Variants in KANSL1L observed in about 807,000 individuals in gnomAD.
KANSL1L encodes KAT8 regulatory NSL complex subunit 1 like, also known as KAT8 regulatory NSL complex subunit 1-like protein.
KANSL1L carries 25 observed loss-of-function variants against 108.6 expected under a neutral mutation model. That is an observed-to-expected ratio of 0.23 (90% CI 0.17 to 0.32). The LOEUF (loss-of-function observed/expected upper bound fraction) is 0.32. Ranked by LOEUF, KANSL1L falls within the 10% of genes least tolerant of loss-of-function variation. The probability of loss-of-function intolerance (pLI) is 1.00; values close to 1 mark genes in which losing one functional copy is unlikely to be tolerated. For synonymous variants in KANSL1L, 405 were observed against 395.1 expected, an observed-to-expected ratio of 1.03 and a Z score of -0.30; for missense variants, 1,137 against 1,125.7, an observed-to-expected ratio of 1.01 and a Z score of -0.14.
chr2:210,033,047 A>G (rs1312113649), intron 8 of KANSL1L: 1 of 152,232 alleles, frequency 6.6e-6, no homozygotes, highest in Non-Finnish European at 1.5e-5. Context: ...CTGGAAGAGG[A>G]ATTCCATAAC....
intron 6 of KANSL1L, among the ~76,000 whole-genome samples, chr2:210,047,540 T>C (rs1229653966): frequency 6.6e-6 from 1 of 152,242 alleles, no homozygotes; most frequent in Non-Finnish European, 1.5e-5. Context: ...TGAGGTTTTA[T>C]CAGAATGGCT....
At chr2:210,109,902 C>G (rs1485560926) in intron 3 of KANSL1L, among the ~76,000 whole-genome samples, 1 of 152,084 alleles carries the variant, frequency 6.6e-6, no homozygotes, top group Non-Finnish European at 1.5e-5. Flanking sequence ...TCTTTAGGAA[C>G]TGCAAAGCTC....
chr2:210,109,943 C>T (rs879369081), intron 3 of KANSL1L, among the ~76,000 whole-genome samples: 1 of 152,068 alleles, frequency 6.6e-6, no homozygotes, highest in Non-Finnish European at 1.5e-5. Context: ...AGAAGGTTGG[C>T]GTCCTAAGGA....
chr2:210,159,851 A>C (rs7571799), intron 1 of KANSL1L, among the ~76,000 whole-genome samples: 1 of 152,136 alleles, frequency 6.6e-6, no homozygotes, highest in Admixed American at 6.5e-5. Flanking sequence ...CTGACTAAAA[A>C]GGTGAAACCC....
intron 10 of KANSL1L, 57 bp from the exon 11 acceptor site, chr2:210,029,026 C>T (rs1251562312): frequency 1.4e-6 from 2 of 1,393,816 alleles, no homozygotes; most frequent in Admixed American, 4.5e-5. Flanking sequence ...GTAATGATAC[C>T]CTCCTTTCAT....
intron 2 of KANSL1L, among the ~76,000 whole-genome samples, chr2:210,150,203 T>TG (rs2095292535): frequency 6.6e-6 from 1 of 152,110 alleles, no homozygotes; most frequent in African/African-American, 2.4e-5. Flanking sequence ...TAGCTGATTA[T>TG]GGGAAAAAGA....
intron 1 of KANSL1L, among the ~76,000 whole-genome samples, chr2:210,167,130 TAC>T (rs1345372891): frequency 5.9e-5 from 9 of 151,988 alleles, no homozygotes; most frequent in African/African-American, 2.2e-4. Context: ...CTCACACTGG[TAC>T]AGTTTTATTC....
Position 210,057,071 on chromosome 2 carries a change from G to T in KANSL1L, c.1756-12967C>A, listed in dbSNP as rs147832929. Among the ~76,000 whole-genome samples, 158 of 152,214 alleles carry T rather than the reference G, an allele frequency of 1.0e-3. 2 individuals carry two copies. In the East Asian group the frequency reaches 0.025, roughly 24 times the overall value. On this transcript the variant is annotated intron_variant, in intron 6 of 14. Transcript: ENST00000281772. ...TGAATTTGGGCTGACCAAGTCACTT[G>T]CTTTGTCCTATAGAATGCAGTGGAA...
chr2:210,088,104 T>C (rs1275513017), intron 5 of KANSL1L: 2 of 152,202 alleles, frequency 1.3e-5, no homozygotes, highest in African/African-American at 2.4e-5. Context: ...TACTAGTTAA[T>C]TATTCAGTGA....
intron 2 of KANSL1L, among the ~76,000 whole-genome samples, chr2:210,135,798 T>C (rs1299614697): frequency 6.6e-6 from 1 of 152,172 alleles, no homozygotes. Flanking sequence ...TTAAATAACA[T>C]ATTCCTCCCT....
intron 6 of KANSL1L, among the ~76,000 whole-genome samples, chr2:210,066,029 T>G (rs2094464643): frequency 6.6e-6 from 1 of 152,218 alleles, no homozygotes; most frequent in South Asian, 2.1e-4. Flanking sequence ...TGGACTGTAG[T>G]AGTTTTCAAT....
chr2:210,118,472 CAA>C (rs1273220048), intron 3 of KANSL1L, among the ~76,000 whole-genome samples: 71 of 42,242 alleles, frequency 1.7e-3, no homozygotes, highest in Non-Finnish European at 3.5e-3. Flanking sequence ...TACTCCAACT[CAA>C]AAAAAAAAAA....
At chr2:210,047,576 T>G (rs2094238817) in intron 6 of KANSL1L, among the ~76,000 whole-genome samples, 1 of 152,222 alleles carries the variant, frequency 6.6e-6, no homozygotes, top group Non-Finnish European at 1.5e-5. Context: ...CTACTAACAC[T>G]CTGTTCAGGA....
At position 210,040,471 on chromosome 2, in the gene KANSL1L, T is replaced by G. The variant is rs1291451113; in HGVS notation, c.1978A>C (p.Asn660His). ...TLLKKTEIKG[N>H]LAENKFVDEY... ...TCTACAAATTTATTTTCAGCAAGAT[T>G]GCCTTTTATTTCAGTCTTTTTTAAC... The change falls in exon 8 of 15, where the codon AAT (asparagine) becomes CAT (histidine). Residue 660 changes from asparagine (N) to histidine (H), a missense_variant. Asn to His is a moderately conservative substitution (Grantham distance 68, BLOSUM62 1). Around this residue, in one of 3 missense-constraint regions of KANSL1L, gnomAD observed 575 missense variants for 567.1 expected, o/e 1.01. Coordinates refer to ENST00000281772, the MANE Select transcript of KANSL1L (RefSeq NM_152519.4). The G allele has an allele frequency of 6.4e-7, 1 of 1,568,978 alleles. No individual in the cohort carries two copies. Among genetic ancestry groups the G allele is most frequent in the Admixed American group, 1.8e-5 (1 of 56,512 alleles).
chr2:210,156,075 G>A (rs1210846278), intron 1 of KANSL1L, among the ~76,000 whole-genome samples: 1 of 152,108 alleles, frequency 6.6e-6, no homozygotes, highest in African/African-American at 2.4e-5. Flanking sequence ...ACAAATATTA[G>A]TTATCTAGAC....
intron 5 of KANSL1L, among the ~76,000 whole-genome samples, chr2:210,076,652 C>G (rs992366057): frequency 6.6e-6 from 1 of 151,558 alleles, no homozygotes; most frequent in Non-Finnish European, 1.5e-5. Flanking sequence ...ATGAAAAGAG[C>G]ATAATTTTAT....
rs745523173 is a variant in KANSL1L at position 210,153,540 on chromosome 2, G to T, written c.1043C>A (p.Ser348Tyr). 5 of 1,613,964 alleles carry T rather than the reference G, an allele frequency of 3.1e-6. No individual in the cohort carries two copies. The South Asian group carries it at 4.4e-5, about 14-fold the overall frequency. Residue 348 changes from serine (S) to tyrosine (Y), a missense_variant, in exon 2 of 15, where the codon TCT becomes TAT. This residue lies in a region of KANSL1L where 556 missense variants were observed against 537.7 expected (regional missense o/e 1.03). Coordinates refer to ENST00000281772, the MANE Select transcript of KANSL1L (RefSeq NM_152519.4). Reference sequence around the variant, plus strand: ...GGTATATTCATCCAAATCGTCATCAGAGCTGCTATCAGTTGCATCGGAATC... The same window carrying T: ...GGTATATTCATCCAAATCGTCATCATAGCTGCTATCAGTTGCATCGGAATC... ...GLDSDATDSSSDDDLDEYTLR... is the reference protein window; with the variant it reads ...GLDSDATDSSYDDDLDEYTLR...
At chr2:210,051,294 A>G (rs1242276028) in intron 6 of KANSL1L, among the ~76,000 whole-genome samples, 3 of 152,116 alleles carry the variant, frequency 2.0e-5, no homozygotes, top group Non-Finnish European at 4.4e-5. Context: ...TAAGTTTCCA[A>G]AATAGACAGC....
chr2:210,135,759 C>A (rs1333877744), intron 2 of KANSL1L, among the ~76,000 whole-genome samples: 3 of 152,122 alleles, frequency 2.0e-5, no homozygotes, highest in Non-Finnish European at 2.9e-5. Context: ...ATGTTGACTT[C>A]TCCTTGTTAT....
Sources: gnomAD v4.1 joint callset for allele counts (sites outside exome capture counted in the v4.1 genomes callset) on GRCh38, gnomAD v4.1.1 for gene constraint, gnomAD v4.1.1 regional missense constraint, MANE v1.5 for transcripts, NCBI Gene and HGNC (gene_info 2026-07-23, HGNC 2026-07-21) for gene names.